Variants in PHLDB2 observed in about 807,000 individuals in gnomAD.
The protein encoded by PHLDB2 is pleckstrin homology-like domain family B member 2.
Under a neutral mutation model 123.6 loss-of-function variants are expected in PHLDB2, and 71 were observed. The observed-to-expected ratio is 0.57, with a 90% confidence interval of 0.47 to 0.70. PHLDB2 has a LOEUF of 0.70. PHLDB2 is among the 30% of genes least tolerant of loss of function. The pLI is 0.00. For missense variants in PHLDB2, 1,446 were observed against 1,519.5 expected (o/e 0.95, Z 0.80); for synonymous variants, 547 against 541.6 (o/e 1.01, Z -0.14).
intron 1 of PHLDB2, among the ~76,000 whole-genome samples, chr3:111,799,514 T>C (rs1290605979): frequency 6.6e-6 from 1 of 152,200 alleles, no homozygotes; most frequent in African/African-American, 2.4e-5. Context: ...TTTTGAAAGC[T>C]AGAAATACTT....
At chr3:111,918,278 G>GT (rs1237487072) in intron 3 of PHLDB2, among the ~76,000 whole-genome samples, 1 of 152,150 alleles carries the variant, frequency 6.6e-6, no homozygotes, top group African/African-American at 2.4e-5. Flanking sequence ...TCTCTCACTT[G>GT]TTTCTTGACT....
intron 1 of PHLDB2, among the ~76,000 whole-genome samples, chr3:111,818,199 T>C (rs1032631644): frequency 1.3e-5 from 2 of 151,682 alleles, no homozygotes; most frequent in African/African-American, 4.9e-5. Context: ...TGTGTGTGTC[T>C]GCATGTGTTA....
At chr3:111,790,698 A>T (rs1175848507) in intron 1 of PHLDB2, among the ~76,000 whole-genome samples, 1 of 152,238 alleles carries the variant, frequency 6.6e-6, no homozygotes, top group Non-Finnish European at 1.5e-5. Flanking sequence ...GTAAAATGAC[A>T]TAAAATGAAG....
chr3:111,961,007 A>G (rs1308486169), intron 12 of PHLDB2, among the ~76,000 whole-genome samples: 4 of 152,208 alleles, frequency 2.6e-5, no homozygotes, highest in Admixed American at 6.5e-5. Context: ...CCAGTAACCT[A>G]AAGTGCCAGG....
chr3:111,805,318 T>G (rs1295194486), intron 1 of PHLDB2, among the ~76,000 whole-genome samples: 3 of 152,048 alleles, frequency 2.0e-5, no homozygotes, highest in Admixed American at 2.0e-4. Flanking sequence ...CCCAGCACTT[T>G]GGGAGGCTGA....
At chr3:111,955,041 T>TAC (rs200702766) in intron 12 of PHLDB2, among the ~76,000 whole-genome samples, 2,038 of 149,994 alleles carry the variant, frequency 0.014, 33 homozygotes, top group African/African-American at 0.043. Flanking sequence ...AATATATATA[T>TAC]ACACACACAC....
chr3:111,770,121 AC>A (rs1231642343), intron 1 of PHLDB2, among the ~76,000 whole-genome samples: 1 of 152,242 alleles, frequency 6.6e-6, no homozygotes, highest in East Asian at 1.9e-4. Context: ...CCAGAGCCAC[AC>A]AGCTGAGAGT....
In PHLDB2 at chr3:111,952,624, T is replaced by G. The variant is rs1431284257; in HGVS notation, c.2684T>G (p.Leu895Arg). The G allele has an allele frequency of 9.9e-6, 16 of 1,613,840 alleles. No homozygotes were observed. The highest frequency in any genetic ancestry group is 1.4e-5 in the Non-Finnish European group (16 of 1,179,898). The change falls in exon 11 of 18, where the codon CTG becomes CGG. Residue 895 changes from leucine (L) to arginine (R), a missense_variant. This residue lies in a region of PHLDB2 where 594 missense variants were observed against 646.0 expected (regional missense o/e 0.92). Coordinates refer to ENST00000431670, the MANE Select transcript of PHLDB2 (RefSeq NM_001134438.2). ...RKKQHKEGLY[L>R]SDTLPRKKTT... ...AAACAGCATAAAGAAGGCCTCTATC[T>G]GAGTGATACTTTGCCTCGAAAGAAA...
chr3:111,893,799 T>G (rs954110842), intron 2 of PHLDB2, among the ~76,000 whole-genome samples: 8 of 150,442 alleles, frequency 5.3e-5, no homozygotes, highest in Non-Finnish European at 7.4e-5. Flanking sequence ...ATAATATATT[T>G]GACAGCACAG....
chr3:111,757,505 G>A (rs566643593), intron 1 of PHLDB2, among the ~76,000 whole-genome samples: 13 of 152,038 alleles, frequency 8.6e-5, no homozygotes, highest in African/African-American at 2.9e-4. Context: ...CAACTTCTTC[G>A]CCTTTGGTTT....
At chr3:111,852,670 G>T (rs531645454) in intron 2 of PHLDB2, among the ~76,000 whole-genome samples, 3 of 151,960 alleles carry the variant, frequency 2.0e-5, no homozygotes, top group East Asian at 3.9e-4. Context: ...AGCCCACTAC[G>T]CAGGCAAAGT....
rs776116547 is a variant in PHLDB2 at position 111,780,321 on chromosome 3, GGAA to G, written c.-49+47706_-49+47708del. 3.0e-3 allele frequency among the ~76,000 whole-genome samples: 11 copies of G among 3,684 alleles called. 1 individual carries two copies. The highest frequency in any genetic ancestry group is 4.6e-3 in the African/African-American group (9 of 1,940). The allele number at this position is 3,684 out of a possible 152,430, so 2.4% of individuals were successfully genotyped here. ...AGGAAGAGGAAGAGGAAGAGGAAGAGGAAGAAGAAGAAGAAGAAGAAGAAGAAG... is the reference window on the plus strand; with the variant it reads ...AGGAAGAGGAAGAGGAAGAGGAAGAGGAAGAAGAAGAAGAAGAAGAAGAAG... On this transcript the variant is annotated intron_variant, in intron 1 of 17. Transcript: ENST00000393923.
intron 5 of PHLDB2, among the ~76,000 whole-genome samples, chr3:111,929,229 G>C (rs1500044): frequency 0.53 from 80,129 of 152,002 alleles, 21,312 homozygotes; most frequent in East Asian, 0.72. Context: ...TCATACCACT[G>C]CAATCCAGCC....
chr3:111,971,584 G>A (rs2072185346), intron 16 of PHLDB2, among the ~76,000 whole-genome samples: 1 of 151,980 alleles, frequency 6.6e-6, no homozygotes, highest in Non-Finnish European at 1.5e-5. Context: ...TTGGACAAAC[G>A]CTGCTCGTTC....
At chr3:111,811,238 T>C (rs1230411544) in intron 1 of PHLDB2, among the ~76,000 whole-genome samples, 1 of 152,198 alleles carries the variant, frequency 6.6e-6, no homozygotes, top group Non-Finnish European at 1.5e-5. Flanking sequence ...CTAGAAGCTT[T>C]ATCCCATTAA....
At position 111,884,851 on chromosome 3, in the gene PHLDB2, G is replaced by A; in HGVS notation, c.774G>A (p.Arg258=). 2 of 1,614,092 alleles carry A rather than the reference G, an allele frequency of 1.2e-6. No individual in the cohort carries two copies. The highest frequency in any genetic ancestry group is 1.7e-6 in the Non-Finnish European group (2 of 1,180,016). Residue 258 remains arginine, a synonymous_variant, in exon 2 of 18, where the codon AGG becomes AGA. Coordinates refer to ENST00000431670, the MANE Select transcript of PHLDB2 (RefSeq NM_001134438.2). ...HMGAYSRSLP[R]LYRATENQLT... Reference sequence around the variant, plus strand: ...GAGCCTACAGCCGATCACTTCCCAGGTTGTACAGAGCCACAGAGAACCAGC... The same window carrying A: ...GAGCCTACAGCCGATCACTTCCCAGATTGTACAGAGCCACAGAGAACCAGC...
chr3:111,906,510 A>G (rs1291971892), intron 2 of PHLDB2, among the ~76,000 whole-genome samples: 1 of 152,212 alleles, frequency 6.6e-6, no homozygotes, highest in Non-Finnish European at 1.5e-5. Flanking sequence ...CTAGATGGAC[A>G]AAGATAGAAG....
chr3:111,738,336 C>T (rs1270716463), intron 1 of PHLDB2, among the ~76,000 whole-genome samples: 1 of 152,164 alleles, frequency 6.6e-6, no homozygotes, highest in Admixed American at 6.5e-5. Flanking sequence ...GGCCTGACAT[C>T]ATTGTTGTCT....
chr3:111,844,089 T>A (rs547023687), intron 1 of PHLDB2, among the ~76,000 whole-genome samples: 1 of 152,316 alleles, frequency 6.6e-6, no homozygotes, highest in South Asian at 2.1e-4. Context: ...CTTATTCTAG[T>A]CAAGACCAAC....
Sources: gnomAD v4.1 joint callset for allele counts (sites outside exome capture counted in the v4.1 genomes callset) on GRCh38, gnomAD v4.1.1 for gene constraint, gnomAD v4.1.1 regional missense constraint, MANE v1.5 for transcripts, NCBI Gene and HGNC (gene_info 2026-07-23, HGNC 2026-07-21) for gene names.